Variants in AGK observed in about 807,000 individuals in gnomAD.
The protein encoded by AGK is acylglycerol kinase, mitochondrial.
In AGK, 52 loss-of-function variants were observed where a neutral mutation model predicts 66.4. That is an observed-to-expected ratio of 0.78 (90% CI 0.63 to 0.99). The LOEUF is 0.99. Among genes scored for constraint, AGK ranks in the 50% least tolerant of loss-of-function variants. AGK has a pLI of 0.00. For missense variants in AGK, 451 were observed against 506.6 expected (o/e 0.89, Z 1.05); for synonymous variants, 182 against 181.1 (o/e 1.00, Z -0.04).
chr7:141,610,015 C>G (rs1014093719), intron 5 of AGK, among the ~76,000 whole-genome samples: 16 of 151,254 alleles, frequency 1.1e-4, no homozygotes, highest in African/African-American at 3.9e-4. Flanking sequence ...GTCGCCCAGG[C>G]TGGAGTGCAG....
At chr7:141,652,742 G>A in intron 15 of AGK, 45 bp from the exon 16 acceptor site, 1 of 1,600,030 alleles carries the variant, frequency 6.2e-7, no homozygotes, top group Non-Finnish European at 8.5e-7. Flanking sequence ...ACTCCAGTAG[G>A]CCACTGATGT....
intron 2 of AGK, among the ~76,000 whole-genome samples, chr7:141,566,925 C>G (rs1470008560): frequency 6.6e-6 from 1 of 152,132 alleles, no homozygotes; most frequent in African/African-American, 2.4e-5. Context: ...CAGAAGTGTA[C>G]CTCACACTTG....
Position 141,653,060 on chromosome 7 carries a change from C to CA in AGK, c.*137dup. On this transcript the variant is annotated 3_prime_UTR_variant, in exon 16 of 16. Coordinates refer to ENST00000649286, the MANE Select transcript of AGK (RefSeq NM_018238.4). ...TTCATGGCAAGTACCCCTCTGCCCC[C>CA]ACTCCAGCAGTGCTTCCCAAAGTGT... 9.9e-7 allele frequency: 1 copy of CA among 1,011,462 alleles called. No individual in the cohort carries two copies. Among genetic ancestry groups the CA allele is most frequent in the South Asian group, 1.6e-5 (1 of 63,656 alleles). The allele number at this position is 1,011,462 out of a possible 1,614,324, so 62.7% of individuals were successfully genotyped here. A position where few individuals can be genotyped will look rare whatever the true frequency, so the allele number is the denominator to read the frequency against.
rs748667855 is a variant in AGK at position 141,598,877 on chromosome 7, G to A, written c.221+2236G>A. The A allele has an allele frequency of 1.3e-5, 2 of 152,038 alleles. No individual in the cohort carries two copies. The highest frequency in any genetic ancestry group is 2.4e-5 in the African/African-American group (1 of 41,404). 9.4% of individuals were successfully genotyped at this position (152,038 alleles called of 1,614,324 possible). On this transcript the variant is annotated intron_variant, in intron 4 of 15. Transcript: ENST00000649286. This position sits in a 1 kb window ranked among gnomAD's most constrained non-coding sequence, Gnocchi z 4.2. ...TATTTTGAGTTCCTGCTTCTAAGAG[G>A]TATCTACATTTTTAAAATTAATAAG...
rs147136630 is a variant in AGK, at chr7:141,633,784, C to T, written c.589-117C>T. ...TTAATGTCTTTAATGTTTGAGCAGA[C>T]TTTTTAGAATTTTGGTTTGATGAAA... On this transcript the variant is annotated intron_variant, in intron 9 of 15. Transcript: ENST00000649286. 6.7e-4 allele frequency: 569 copies of T among 844,498 alleles called. 3 individuals are homozygous for T. The African/African-American group carries it at 9.1e-3, about 14-fold the overall frequency. 52.3% of individuals were successfully genotyped at this position (844,498 alleles called of 1,614,324 possible). A position where few individuals can be genotyped will look rare whatever the true frequency, so the allele number is the denominator to read the frequency against.
intron 2 of AGK, among the ~76,000 whole-genome samples, chr7:141,589,621 C>T (rs188412112): frequency 6.6e-5 from 10 of 151,572 alleles, no homozygotes; most frequent in Middle Eastern, 3.4e-3. Flanking sequence ...AGTGCCATGA[C>T]GCGTTCTCGG....
intron 2 of AGK, among the ~76,000 whole-genome samples, chr7:141,580,966 A>G (rs1450457217): frequency 6.6e-6 from 1 of 151,950 alleles, no homozygotes; most frequent in Non-Finnish European, 1.5e-5. Context: ...TTATGAGTGT[A>G]TATAATGGTT....
intron 5 of AGK, among the ~76,000 whole-genome samples, chr7:141,604,213 T>G (rs1796399704): frequency 6.6e-6 from 1 of 151,698 alleles, no homozygotes; most frequent in African/African-American, 2.4e-5. Flanking sequence ...TAGCTTTTAT[T>G]TTGAAATAAT....
chr7:141,590,387 T>A (rs919685026), intron 2 of AGK, among the ~76,000 whole-genome samples: 1 of 151,788 alleles, frequency 6.6e-6, no homozygotes, highest in Non-Finnish European at 1.5e-5. Context: ...ACAGGGCGAG[T>A]TTTTAGGAGA....
chr7:141,556,907 T>C (rs1795220835), intron 2 of AGK, among the ~76,000 whole-genome samples: 1 of 152,218 alleles, frequency 6.6e-6, no homozygotes, highest in African/African-American at 2.4e-5. Context: ...GAGAAGAAAG[T>C]GCCAGAGCTC....
At chr7:141,613,304 A>T (rs1796635464) in intron 6 of AGK, among the ~76,000 whole-genome samples, 1 of 152,224 alleles carries the variant, frequency 6.6e-6, no homozygotes, top group Non-Finnish European at 1.5e-5. Context: ...AATATATCAA[A>T]TATAAACAAG....
At chr7:141,640,561 G>A (rs1346483110) in intron 11 of AGK, among the ~76,000 whole-genome samples, 1 of 152,166 alleles carries the variant, frequency 6.6e-6, no homozygotes, top group African/African-American at 2.4e-5. Flanking sequence ...AGGATCTCAG[G>A]GTTTTAGATT....
At chr7:141,609,780 G>A (rs1466741364) in intron 5 of AGK, among the ~76,000 whole-genome samples, 1 of 152,192 alleles carries the variant, frequency 6.6e-6, no homozygotes, top group African/African-American at 2.4e-5. Context: ...CCATCTTGAA[G>A]CTATTCAGGG....
At chr7:141,650,639 T>A in intron 14 of AGK, 1 of 985,470 alleles carries the variant, frequency 1.0e-6, no homozygotes, top group Non-Finnish European at 1.2e-6. Context: ...GCCTAAAAGA[T>A]ACATCTGCAT....
intron 1 of AGK, among the ~76,000 whole-genome samples, chr7:141,551,898 G>A (rs914082458): frequency 1.3e-5 from 2 of 152,190 alleles, no homozygotes; most frequent in Non-Finnish European, 2.9e-5. Context: ...TCACTATCTA[G>A]TAAGAAAAAC....
intron 2 of AGK, among the ~76,000 whole-genome samples, chr7:141,564,469 A>T (rs2116862778): frequency 6.6e-6 from 1 of 152,070 alleles, no homozygotes; most frequent in South Asian, 2.1e-4. Flanking sequence ...ATCTTGTGAG[A>T]ACTCACTCAC....
intron 2 of AGK, among the ~76,000 whole-genome samples, chr7:141,589,788 G>A (rs1294047170): frequency 1.3e-5 from 2 of 152,206 alleles, no homozygotes; most frequent in East Asian, 1.9e-4. Context: ...TCGAACTCCC[G>A]ACCTCAGGTG....
chr7:141,636,737 A>G (rs947639037), intron 10 of AGK, among the ~76,000 whole-genome samples: 2 of 152,234 alleles, frequency 1.3e-5, no homozygotes, highest in Non-Finnish European at 2.9e-5. Flanking sequence ...AATTGCAAGA[A>G]TCTTTACTGC....
chr7:141,590,951 C>T (rs1330825418), intron 2 of AGK, among the ~76,000 whole-genome samples: 1 of 152,116 alleles, frequency 6.6e-6, no homozygotes, highest in African/African-American at 2.4e-5. Flanking sequence ...TCACTTAAGC[C>T]AATGGGGACT....
Sources: allele counts gnomAD v4.1 joint callset (sites outside exome capture counted in the v4.1 genomes callset), GRCh38; gene constraint gnomAD v4.1.1; non-coding constraint Gnocchi (gnomAD v3.1); transcripts MANE v1.5; gene names NCBI Gene and HGNC (gene_info 2026-07-23, HGNC 2026-07-21).